MAPT: variants seen among roughly 807,000 people sequenced by gnomAD.
MAPT encodes the protein microtubule associated protein tau.
A neutral mutation model predicts 67.9 loss-of-function variants in MAPT; 34 were observed. That is an observed-to-expected ratio of 0.50 (90% CI 0.38 to 0.67). The LOEUF is 0.67. Among genes scored for constraint, MAPT ranks in the 30% least tolerant of loss-of-function variants. MAPT has a pLI of 0.00. For missense variants in MAPT, 881 were observed against 1,115.2 expected (o/e 0.79, Z 2.99); for synonymous variants, 456 against 464.5 (o/e 0.98, Z 0.23).
intron 1 of MAPT, among the ~76,000 whole-genome samples, chr17:45,913,579 CAGG>C (rs1248818184): frequency 6.6e-6 from 1 of 152,132 alleles, no homozygotes; most frequent in Non-Finnish European, 1.5e-5. Context: ...CCAGGTTCTG[CAGG>C]AGGAGATGTT....
rs11654809 is a variant in MAPT at position 45,956,607 on chromosome 17, A to T, written c.-17-5714A>T. 3.6e-3 allele frequency among the ~76,000 whole-genome samples: 403 copies of T among 113,092 alleles called. 1 individual carries two copies. Among genetic ancestry groups the T allele is most frequent in the South Asian group, 5.8e-3 (20 of 3,458 alleles). The allele number at this position is 113,092 out of a possible 152,430, so 74.2% of individuals were successfully genotyped here. A position where few individuals can be genotyped will look rare whatever the true frequency, so the allele number is the denominator to read the frequency against. On this transcript the variant is annotated intron_variant, in intron 1 of 12. Coordinates refer to ENST00000262410, the MANE Select transcript of MAPT (RefSeq NM_001377265.1). The stretch of plus-strand genomic sequence containing the variant: ...ATATATATATATATATATATTTTTT[A>T]TTATTATACTTTAAGTTCTAGGGTA...
chr17:46,018,547 T>G, intron 11 of MAPT, 71 bp from the exon 12 acceptor site: 2 of 1,131,186 alleles, frequency 1.8e-6, no homozygotes, highest in Non-Finnish European at 2.7e-6. Flanking sequence ...GCAGACCTCA[T>G]GTAATGTATG....
rs780582778 is a variant in MAPT, at chr17:45,974,436, C to T, written c.220+2491C>T. Reference sequence around the variant, plus strand: ...GGAGCTCCCGGCAAGCAGGCTGCCGCGCAGCCCCACACGGAGATCCCAGAA... The same window carrying T: ...GGAGCTCCCGGCAAGCAGGCTGCCGTGCAGCCCCACACGGAGATCCCAGAA... On this transcript the variant is annotated intron_variant, in intron 3 of 12. Coordinates refer to ENST00000262410, the MANE Select transcript of MAPT (RefSeq NM_001377265.1). 4.4e-5 allele frequency: 71 copies of T among 1,610,106 alleles called. 1 individual carries two copies. In the South Asian group the frequency reaches 4.6e-4, roughly 10 times the overall value.
intron 10 of MAPT, among the ~76,000 whole-genome samples, chr17:46,013,338 A>G (rs62062266): frequency 0.14 from 21,821 of 152,268 alleles, 2,136 homozygotes; most frequent in Non-Finnish European, 0.22. Context: ...CCTGCCTCCA[A>G]GGGACCTGTC....
Position 45,925,120 on chromosome 17 carries a change from T to A in MAPT, c.-18+30434T>A, listed in dbSNP as rs190429384. On this transcript the variant is annotated intron_variant, in intron 1 of 12. Coordinates refer to ENST00000262410, the MANE Select transcript of MAPT (RefSeq NM_001377265.1). ...CTTTTCTTTTCCTCCTCTCTCCCTATCTCTTGTGTTTGACGCATGATAGGA... is the reference window on the plus strand; with the variant it reads ...CTTTTCTTTTCCTCCTCTCTCCCTAACTCTTGTGTTTGACGCATGATAGGA... 7.0e-4 allele frequency among the ~76,000 whole-genome samples: 107 copies of A among 152,328 alleles called. No homozygotes were observed. In the East Asian group the frequency reaches 0.02, roughly 28 times the overall value.
intron 7 of MAPT, 56 bp downstream of exon 7, chr17:45,990,131 G>A: frequency 6.5e-7 from 1 of 1,537,142 alleles, no homozygotes; most frequent in Middle Eastern, 1.8e-4. Flanking sequence ...TTGCAAATGT[G>A]GGGTTTGTTT....
chr17:45,920,504 C>T (rs2065603569), intron 1 of MAPT, among the ~76,000 whole-genome samples: 1 of 152,198 alleles, frequency 6.6e-6, no homozygotes, highest in African/African-American at 2.4e-5. Flanking sequence ...ACCCTCCGGC[C>T]CCAGCATTGC....
intron 1 of MAPT, among the ~76,000 whole-genome samples, chr17:45,942,306 G>C (rs117372337): frequency 6.6e-6 from 1 of 152,172 alleles, no homozygotes; most frequent in African/African-American, 2.4e-5. Flanking sequence ...TAGAGTGTAC[G>C]TTTCTTCTTC....
Position 45,915,236 on chromosome 17 carries a change from GGTGA to G in MAPT, c.-18+20554_-18+20557del, listed in dbSNP as rs988309988. 3.3e-5 allele frequency among the ~76,000 whole-genome samples: 5 copies of G among 151,790 alleles called. No homozygotes were observed. Among genetic ancestry groups the G allele is most frequent in the Non-Finnish European group, 5.9e-5 (4 of 67,932 alleles). ...TGCGCGCAAAGTGTGGGGGGATGGG[GGTGA>G]GTGTGTGTGGTGTGTAAGCATGAGT... On this transcript the variant is annotated intron_variant, in intron 1 of 12. Coordinates refer to ENST00000262410, the MANE Select transcript of MAPT (RefSeq NM_001377265.1). This position sits in a 1 kb window ranked among gnomAD's most constrained non-coding sequence, Gnocchi z 4.4.
intron 4 of MAPT, chr17:45,979,268 T>C (rs1271438993): frequency 6.6e-6 from 1 of 152,258 alleles, no homozygotes; most frequent in Non-Finnish European, 1.5e-5. Flanking sequence ...ATGGGAGACC[T>C]ATGGTACTGA....
chr17:45,918,774 T>C (rs8080903), intron 1 of MAPT, among the ~76,000 whole-genome samples: 78,233 of 152,066 alleles, frequency 0.51, 20,453 homozygotes, highest in Non-Finnish European at 0.56. Context: ...TTGGCTCACA[T>C]TGGCTGGGTG....
intron 11 of MAPT, among the ~76,000 whole-genome samples, chr17:46,014,708 A>G (rs1013657951): frequency 2.0e-5 from 3 of 152,126 alleles, no homozygotes; most frequent in Non-Finnish European, 2.9e-5. Flanking sequence ...CCCCGTCTCT[A>G]CTAAAAATAC....
intron 11 of MAPT, among the ~76,000 whole-genome samples, chr17:46,018,373 T>C (rs1227990483): frequency 6.6e-6 from 1 of 152,222 alleles, no homozygotes; most frequent in Non-Finnish European, 1.5e-5. Flanking sequence ...GAGTCTTACC[T>C]ACTTCTAAAG....
rs9899929 is a variant in MAPT at position 45,957,857 on chromosome 17, A to G, written c.-17-4464A>G. On this transcript the variant is annotated intron_variant, in intron 1 of 12. Coordinates refer to ENST00000262410, the MANE Select transcript of MAPT (RefSeq NM_001377265.1). ...CAGTGGAACTTTGAGAATTTGCAGGAAAAAAAAAAATGTCTAAAGTACATC... is the reference window on the plus strand; with the variant it reads ...CAGTGGAACTTTGAGAATTTGCAGGGAAAAAAAAAATGTCTAAAGTACATC... 5.5e-3 allele frequency among the ~76,000 whole-genome samples: 583 copies of G among 105,946 alleles called. 5 individuals are homozygous for G. Among genetic ancestry groups the G allele is most frequent in the African/African-American group, 0.016 (556 of 33,886 alleles). 69.5% of individuals were successfully genotyped at this position (105,946 alleles called of 152,430 possible). A position where few individuals can be genotyped will look rare whatever the true frequency, so the allele number is the denominator to read the frequency against.
chr17:46,006,949 A>G (rs1006028638), intron 9 of MAPT, among the ~76,000 whole-genome samples: 22 of 143,164 alleles, frequency 1.5e-4, no homozygotes, highest in African/African-American at 5.5e-4. Flanking sequence ...AATAAAATAA[A>G]ATAATAAAAT....
intron 8 of MAPT, among the ~76,000 whole-genome samples, chr17:45,992,106 A>G (rs2074105397): frequency 2.0e-5 from 3 of 152,080 alleles, no homozygotes. Context: ...CTTTTTATCA[A>G]TGAAGAAATT....
intron 3 of MAPT, chr17:45,975,554 A>C (rs1300359815): frequency 2.0e-5 from 3 of 152,236 alleles, no homozygotes; most frequent in Non-Finnish European, 2.9e-5. Flanking sequence ...GGATGAGATC[A>C]CAGGGAACTT....
chr17:45,938,730 C>T (rs1169327141), intron 1 of MAPT, among the ~76,000 whole-genome samples: 5 of 151,864 alleles, frequency 3.3e-5, no homozygotes, highest in South Asian at 2.1e-4. Context: ...GCAGCCTCGA[C>T]GTCTCTGGGC....
chr17:45,947,820 A>C (rs2068658104), intron 1 of MAPT, among the ~76,000 whole-genome samples: 2 of 152,048 alleles, frequency 1.3e-5, no homozygotes, highest in Admixed American at 6.6e-5. Context: ...CATTTCTCTC[A>C]AAATCACCCC....
Sources: allele counts gnomAD v4.1 joint callset (sites outside exome capture counted in the v4.1 genomes callset), GRCh38; gene constraint gnomAD v4.1.1; non-coding constraint Gnocchi (gnomAD v3.1); transcripts MANE v1.5; gene names NCBI Gene and HGNC (gene_info 2026-07-23, HGNC 2026-07-21).